AMZ2: variants seen among roughly 807,000 people sequenced by gnomAD.
AMZ2 encodes the protein archaelysin family metallopeptidase 2, also known as archaemetzincin-2.
A neutral mutation model predicts 36.7 loss-of-function variants in AMZ2; 26 were observed. That is an observed-to-expected ratio of 0.71 (90% confidence interval 0.52 to 0.98). The LOEUF is 0.98. Ranked by LOEUF, AMZ2 falls within the 50% of genes least tolerant of loss-of-function variation. The pLI is 0.00. For synonymous variants in AMZ2, 144 were observed against 149.1 expected (o/e 0.97, Z 0.25); for missense variants, 394 against 430.5 (o/e 0.92, Z 0.75).
chr17:68,242,289 AC>A (rs1448072496), intron 1 of AMZ2, among the ~76,000 whole-genome samples: 3 of 152,208 alleles, frequency 2.0e-5, no homozygotes, highest in African/African-American at 7.2e-5. Context: ...AAATATTAAT[AC>A]ATTACTGACT....
Position 68,257,004 on chromosome 17 carries a change from T to C in AMZ2, c.*35T>C. 1 of 1,596,886 alleles carries C rather than the reference T, an allele frequency of 6.3e-7. No individual in the cohort carries two copies. The highest frequency in any genetic ancestry group is 1.7e-5 in the Admixed American group (1 of 58,220). On this transcript the variant is annotated 3_prime_UTR_variant, in exon 7 of 7. Transcript: ENST00000359904. Reference sequence around the variant, plus strand: ...AATAGGAGTGATTGAAATAAATAACTACTTGCATGTTATGCTTTCATTTGG... The same window carrying C: ...AATAGGAGTGATTGAAATAAATAACCACTTGCATGTTATGCTTTCATTTGG...
intron 1 of AMZ2, among the ~76,000 whole-genome samples, chr17:68,232,230 C>G (rs1421230839): frequency 1.3e-5 from 2 of 151,238 alleles, no homozygotes; most frequent in African/African-American, 4.9e-5. Context: ...GACGTGATGT[C>G]TCACGTCTAT....
At chr17:68,206,196 G>A in exon 1 of AMZ2, 2 of 1,304,666 alleles carry the variant, frequency 1.5e-6, no homozygotes, top group Non-Finnish European at 2.0e-6. Flanking sequence ...TTACTGCACA[G>A]AAAGCAGCTT....
intron 1 of AMZ2, among the ~76,000 whole-genome samples, chr17:68,209,196 AC>A (rs1355824693): frequency 1.6e-5 from 2 of 126,666 alleles, no homozygotes; most frequent in African/African-American, 6.7e-5. Context: ...TAATTTTAGT[AC>A]TTTTTTTTTT....
chr17:68,243,954 C>A (rs1162076054), upstream of AMZ2, among the ~76,000 whole-genome samples: 3 of 152,146 alleles, frequency 2.0e-5, no homozygotes, highest in African/African-American at 7.2e-5. Context: ...TATCTTCTGG[C>A]TATAAAGAAC....
intron 1 of AMZ2, among the ~76,000 whole-genome samples, chr17:68,236,425 A>G (rs2073788649): frequency 6.6e-6 from 1 of 152,020 alleles, no homozygotes; most frequent in East Asian, 1.9e-4. Context: ...AGATTTACAT[A>G]ATTTTTTCAA....
At chr17:68,208,224 G>C (rs1257586099) in intron 1 of AMZ2, among the ~76,000 whole-genome samples, 1 of 152,216 alleles carries the variant, frequency 6.6e-6, no homozygotes, top group Non-Finnish European at 1.5e-5. Context: ...CTGGCAGGCA[G>C]CTCCACCTGC....
At chr17:68,254,872 G>A (rs2074778916) in intron 5 of AMZ2, among the ~76,000 whole-genome samples, 1 of 152,118 alleles carries the variant, frequency 6.6e-6, no homozygotes, top group Non-Finnish European at 1.5e-5. Context: ...AGCTACTGTG[G>A]TCATTGGGCA....
rs187963444 is a variant in AMZ2 at position 68,209,498 on chromosome 17, G to A, written c.-67+3260G>A. Among the ~76,000 whole-genome samples, 138 of 151,038 alleles carry A rather than the reference G, an allele frequency of 9.1e-4. 1 individual carries two copies. Among genetic ancestry groups the A allele is most frequent in the South Asian group, 8.4e-4 (4 of 4,770 alleles). ...CGTGAGCCACTATGCCCGGCCTTTA[G>A]ATGTGTCTTGTATTTTGCATGCAAG... is the stretch of plus-strand genomic sequence containing the variant. On this transcript the variant is annotated intron_variant, in intron 1 of 7. Coordinates refer to the AMZ2 transcript ENST00000674770.
chr17:68,227,564 G>C (rs1471754771), intron 1 of AMZ2, among the ~76,000 whole-genome samples: 1 of 152,188 alleles, frequency 6.6e-6, no homozygotes, highest in African/African-American at 2.4e-5. Flanking sequence ...GTCTCTTCCA[G>C]CTTCTGGTGG....
intron 1 of AMZ2, among the ~76,000 whole-genome samples, chr17:68,214,631 C>T (rs1358734699): frequency 6.6e-6 from 1 of 152,010 alleles, no homozygotes; most frequent in Non-Finnish European, 1.5e-5. Context: ...GTTATCATTG[C>T]GTTTTGAGGA....
chr17:68,216,376 C>T (rs1555727248), intron 1 of AMZ2, among the ~76,000 whole-genome samples: 1 of 152,188 alleles, frequency 6.6e-6, no homozygotes. Context: ...TCAAGCAATC[C>T]TCCCACCGCA....
At chr17:68,217,406 AAGTGCAC>A (rs1555727564) in intron 1 of AMZ2, among the ~76,000 whole-genome samples, 1 of 152,206 alleles carries the variant, frequency 6.6e-6, no homozygotes, top group East Asian at 1.9e-4. Flanking sequence ...ATGCATAATA[AAGTGCAC>A]AGATTTTAAA....
intron 1 of AMZ2, among the ~76,000 whole-genome samples, chr17:68,221,417 G>A (rs1309787742): frequency 8.5e-5 from 13 of 152,072 alleles, no homozygotes; most frequent in African/African-American, 2.4e-4. Flanking sequence ...CATGCCAGAT[G>A]GTGGAACATT....
intron 1 of AMZ2, among the ~76,000 whole-genome samples, chr17:68,218,055 G>T (rs146026089): frequency 0.01 from 1,592 of 152,084 alleles, 26 homozygotes; most frequent in African/African-American, 0.037. Flanking sequence ...CTCGTGATCT[G>T]CCTGCCTCTG....
intron 1 of AMZ2, among the ~76,000 whole-genome samples, chr17:68,228,988 C>T (rs1555730585): frequency 6.6e-6 from 1 of 152,270 alleles, no homozygotes; most frequent in Non-Finnish European, 1.5e-5. Context: ...GCACGCCCTT[C>T]TGCAGCCCTC....
chr17:68,231,298 T>A (rs1414088476), intron 1 of AMZ2, among the ~76,000 whole-genome samples: 2 of 152,158 alleles, frequency 1.3e-5, no homozygotes, highest in African/African-American at 4.8e-5. Context: ...CTTGAATTCC[T>A]GGGCTTACAT....
At chr17:68,210,460 C>G (rs2073010186) in intron 1 of AMZ2, among the ~76,000 whole-genome samples, 1 of 152,158 alleles carries the variant, frequency 6.6e-6, no homozygotes, top group South Asian at 2.1e-4. Context: ...TGATTCCACT[C>G]ATGAGGTACT....
chr17:68,224,116 T>C (rs578005749), intron 1 of AMZ2, among the ~76,000 whole-genome samples: 1 of 152,188 alleles, frequency 6.6e-6, no homozygotes, highest in Admixed American at 6.5e-5. Context: ...GTAATTTCTC[T>C]ATTTTTAGTA....
Sources: allele counts gnomAD v4.1 joint callset (sites outside exome capture counted in the v4.1 genomes callset), GRCh38; gene constraint gnomAD v4.1.1; transcripts MANE v1.5; gene names NCBI Gene and HGNC (gene_info 2026-07-23, HGNC 2026-07-21).